Variants in ZNF354A observed in about 807,000 individuals in gnomAD.
ZNF354A encodes the protein epididymis luminal protein 104.
Under a neutral mutation model 53.3 loss-of-function variants are expected in ZNF354A, and 25 were observed. That is an observed-to-expected ratio of 0.47 (90% confidence interval 0.34 to 0.66). The LOEUF (loss-of-function observed/expected upper bound fraction) is 0.66, where lower values mean the gene tolerates loss of function less well. Ranked by LOEUF, ZNF354A falls within the 30% of genes least tolerant of loss-of-function variation. The pLI is 0.01. For synonymous variants in ZNF354A, 228 were observed against 249.0 expected, an observed-to-expected ratio of 0.92 and a Z score of 0.79; for missense variants, 586 against 716.8, an observed-to-expected ratio of 0.82 and a Z score of 2.08.
rs746213393 is a variant in ZNF354A, at chr5:178,711,861, A to AT, written c.*198dup. The AT allele has an allele frequency of 6.2e-5, 34 of 550,490 alleles. 1 individual carries two copies. The South Asian group carries it at 7.0e-4, about 11-fold the overall frequency. 34.1% of individuals were successfully genotyped at this position (550,490 alleles called of 1,614,324 possible). A position where few individuals can be genotyped will look rare whatever the true frequency, so the allele number is the denominator to read the frequency against. ...AATTGTAAATTCTTCATCTCAGGTT[A>AT]TTTTTTTAAGTGTCTGACAGGCACA... On this transcript the variant is annotated 3_prime_UTR_variant, in exon 5 of 5. Transcript: ENST00000335815.
At chr5:178,726,879 T>G in intron 3 of ZNF354A, 120 bp downstream of exon 3, 2 of 1,412,118 alleles carry the variant, frequency 1.4e-6, no homozygotes, top group East Asian at 4.6e-5. Flanking sequence ...AAGATCTGAT[T>G]TGTACAATCC....
intron 1 of ZNF354A, among the ~76,000 whole-genome samples, chr5:178,729,980 C>T (rs1455441759): frequency 6.6e-6 from 1 of 152,022 alleles, no homozygotes; most frequent in Admixed American, 6.5e-5. Context: ...TCTCCTGCCT[C>T]GGCCTCACAA....
rs575302139 is a variant in ZNF354A at position 178,727,133 on chromosome 5, G to A, written c.34-8C>T. 8 of 1,610,446 alleles carry A rather than the reference G, an allele frequency of 5.0e-6. No homozygotes were observed. The East Asian group carries it at 8.9e-5, about 18-fold the overall frequency. ...CTCAAACGTCAGTGACACCTGTAAG[G>A]ACAAGTCGTTCCAGCTCACCCAGGA... On this transcript the variant is annotated splice_polypyrimidine_tract_variant and splice_region_variant and intron_variant, in intron 2 of 4. Transcript: ENST00000335815.
At chr5:178,714,254 C>T (rs1259170068) in intron 4 of ZNF354A, among the ~76,000 whole-genome samples, 3 of 152,086 alleles carry the variant, frequency 2.0e-5, no homozygotes, top group African/African-American at 7.2e-5. Flanking sequence ...ATCTACCCAC[C>T]TCGGCCTCCC....
At position 178,725,449 on chromosome 5, in the gene ZNF354A, T is replaced by C. The variant is rs765189064; in HGVS notation, c.183A>G (p.Lys61=). 1.2e-6 allele frequency: 2 copies of C among 1,614,212 alleles called. No individual in the cohort carries two copies. Among genetic ancestry groups the C allele is most frequent in the African/African-American group, 1.3e-5 (1 of 75,068 alleles). Residue 61 remains lysine, a synonymous_variant, in exon 4 of 5, where the codon AAA becomes AAG. Transcript: ENST00000335815. ...CTCCTTGCTGCAACAGGGAGATCAC[T>C]TTTGGTTTGGTAAATGGGAGCCCTG... ...VSLGLPFTKP[K]VISLLQQGED... is the part of the protein sequence containing the mutation.
rs746292908 is a variant in ZNF354A at position 178,729,872 on chromosome 5, G to GCTTCTTTTTTTTTTTT, written c.-52+683_-52+684insAAAAAAAAAAAAGAAG. ...CCATGTATCCCATTTCTAACACGAT[G>GCTTCTTTTTTTTTTTT]TTTCTTTTTTGAGACGGAGTCTCGC... On this transcript the variant is annotated intron_variant, in intron 1 of 4. Coordinates refer to ENST00000335815, the MANE Select transcript of ZNF354A (RefSeq NM_005649.3). Among the ~76,000 whole-genome samples, 242 of 143,348 alleles carry GCTTCTTTTTTTTTTTT rather than the reference G, an allele frequency of 1.7e-3. 14 individuals are homozygous for GCTTCTTTTTTTTTTTT. Among genetic ancestry groups the GCTTCTTTTTTTTTTTT allele is most frequent in the South Asian group, 2.2e-3 (10 of 4,466 alleles). The allele number at this position is 143,348 out of a possible 152,430, so 94.0% of individuals were successfully genotyped here.
Position 178,727,114 on chromosome 5 carries a change from C to T in ZNF354A, c.45G>A (p.Thr15=), listed in dbSNP as rs3204748. 6 of 1,613,494 alleles carry T rather than the reference C, an allele frequency of 3.7e-6. No homozygotes were observed. Among genetic ancestry groups the T allele is most frequent in the Admixed American group, 1.7e-5 (1 of 59,894 alleles). ...TAAACAGCACAGCCACATCCTCAAACGTCAGTGACACCTGTAAGGACAAGT... is the reference window on the plus strand; with the variant it reads ...TAAACAGCACAGCCACATCCTCAAATGTCAGTGACACCTGTAAGGACAAGT... The part of the protein sequence containing the change: ...QREARPQVSL[T]FEDVAVLFTR... Residue 15 remains threonine (T), a synonymous_variant, in exon 3 of 5, where the codon ACG becomes ACA. Transcript: ENST00000335815.
At chr5:178,717,870 C>T (rs1297025018) in intron 4 of ZNF354A, among the ~76,000 whole-genome samples, 1 of 152,040 alleles carries the variant, frequency 6.6e-6, no homozygotes, top group African/African-American at 2.4e-5. Flanking sequence ...AAACTTAATC[C>T]TGATTGTGGC....
At chr5:178,721,635 T>G (rs1581746465) in intron 4 of ZNF354A, among the ~76,000 whole-genome samples, 2 of 152,276 alleles carry the variant, frequency 1.3e-5, no homozygotes, top group Non-Finnish European at 2.9e-5. Context: ...TACAGCTGTG[T>G]GGACGTACCA....
rs564421964 is a variant in ZNF354A at position 178,719,522 on chromosome 5, T to C, written c.256+5854A>G. Reference sequence around the variant, plus strand: ...GTGAAAGGAATCGCCATAGGCTAGATGAAGGGGTAGCACAAGGGCTGAAGG... The same window carrying C: ...GTGAAAGGAATCGCCATAGGCTAGACGAAGGGGTAGCACAAGGGCTGAAGG... On this transcript the variant is annotated intron_variant, in intron 4 of 4. Coordinates refer to ENST00000335815, the MANE Select transcript of ZNF354A (RefSeq NM_005649.3). 2.0e-5 allele frequency among the ~76,000 whole-genome samples: 3 copies of C among 152,312 alleles called. No individual in the cohort carries two copies. In the South Asian group the frequency reaches 6.2e-4, roughly 32 times the overall value.
chr5:178,722,449 C>T (rs908424030), intron 4 of ZNF354A, among the ~76,000 whole-genome samples: 11 of 152,242 alleles, frequency 7.2e-5, no homozygotes, highest in Non-Finnish European at 1.6e-4. Flanking sequence ...TGAATGACAT[C>T]ACCAACCGTC....
chr5:178,721,340 G>A (rs1765808776), intron 4 of ZNF354A, among the ~76,000 whole-genome samples: 1 of 152,100 alleles, frequency 6.6e-6, no homozygotes, highest in African/African-American at 2.4e-5. Context: ...GTAGGCTACT[G>A]TAACACAATT....
At chr5:178,716,368 CT>C (rs534967101) in intron 4 of ZNF354A, among the ~76,000 whole-genome samples, 47 of 152,310 alleles carry the variant, frequency 3.1e-4, no homozygotes, top group Admixed American at 1.8e-3. Flanking sequence ...TCCTCACCCC[CT>C]CTTCCCTGGC....
At chr5:178,722,788 AG>A (rs1182830324) in intron 4 of ZNF354A, among the ~76,000 whole-genome samples, 6 of 152,232 alleles carry the variant, frequency 3.9e-5, no homozygotes, top group African/African-American at 7.2e-5. Flanking sequence ...ATGAAGAAAC[AG>A]ATCTATTACA....
chr5:178,715,088 G>A (rs1307208321), intron 4 of ZNF354A, among the ~76,000 whole-genome samples: 1 of 152,194 alleles, frequency 6.6e-6, no homozygotes, highest in African/African-American at 2.4e-5. Flanking sequence ...GTAAAGAACA[G>A]AAGTGAAGAA....
chr5:178,721,782 A>G (rs1765817700), intron 4 of ZNF354A, among the ~76,000 whole-genome samples: 3 of 152,174 alleles, frequency 2.0e-5, no homozygotes, highest in Admixed American at 6.5e-5. Flanking sequence ...TCCCCCTTAC[A>G]GACGACCTAC....
intron 1 of ZNF354A, among the ~76,000 whole-genome samples, chr5:178,730,161 G>A (rs182420886): frequency 3.4e-4 from 52 of 152,304 alleles, no homozygotes; most frequent in African/African-American, 1.2e-3. Context: ...CACCGCGCCC[G>A]GCCAAACACC....
At chr5:178,727,658 G>T (rs1479852062) in intron 2 of ZNF354A, among the ~76,000 whole-genome samples, 1 of 152,184 alleles carries the variant, frequency 6.6e-6, no homozygotes, top group Non-Finnish European at 1.5e-5. Context: ...GGCTTTCTAT[G>T]GGCCAAGTAT....
At chr5:178,719,909 C>G (rs981035621) in intron 4 of ZNF354A, among the ~76,000 whole-genome samples, 6 of 151,012 alleles carry the variant, frequency 4.0e-5, no homozygotes, top group African/African-American at 1.5e-4. Flanking sequence ...ATCCCGCCAC[C>G]GCACTCCAGC....
Sources: allele counts gnomAD v4.1 joint callset (sites outside exome capture counted in the v4.1 genomes callset), GRCh38; gene constraint gnomAD v4.1.1; transcripts MANE v1.5; gene names NCBI Gene and HGNC (gene_info 2026-07-23, HGNC 2026-07-21).